DNAJC21: variants seen among roughly 807,000 people sequenced by gnomAD.
DNAJC21 encodes DnaJ heat shock protein family (Hsp40) member C21, also known as dnaJ homolog subfamily C member 21.
In DNAJC21, 63 loss-of-function variants were observed where a neutral mutation model predicts 72.4. That is an observed-to-expected ratio of 0.87 (90% CI 0.71 to 1.07). The LOEUF is 1.07. DNAJC21 is among the 50% of genes least tolerant of loss of function. The pLI is 0.00. For synonymous variants in DNAJC21, 203 were observed against 216.7 expected (o/e 0.94, Z 0.56); for missense variants, 634 against 644.8 (o/e 0.98, Z 0.18).
chr5:34,933,118 C>T (rs1330940841), intron 1 of DNAJC21, among the ~76,000 whole-genome samples: 1 of 152,044 alleles, frequency 6.6e-6, no homozygotes, highest in East Asian at 1.9e-4. Context: ...TTTTGATATA[C>T]ATTGATGAGA....
intron 9 of DNAJC21, among the ~76,000 whole-genome samples, chr5:34,947,260 A>G (rs555371667): frequency 6.6e-6 from 1 of 152,190 alleles, no homozygotes; most frequent in Non-Finnish European, 1.5e-5. Context: ...TAACTCAAAC[A>G]TAGTACTCTG....
chr5:34,946,399 C>T (rs1765175536), intron 9 of DNAJC21, among the ~76,000 whole-genome samples: 1 of 151,898 alleles, frequency 6.6e-6, no homozygotes, highest in South Asian at 2.1e-4. Flanking sequence ...TCCATTTTAC[C>T]AAGGACATTT....
rs1016745899 is a variant in DNAJC21 at position 34,941,872 on chromosome 5, G to GT, written c.983+698dup. On this transcript the variant is annotated intron_variant, in intron 7 of 11. Transcript: ENST00000648817. ...GTGAGCCACAGCGCCTGGCCCTTGT[G>GT]TTTTTTTTTGAGGTGAAGTGTAACA... 7.5e-4 allele frequency among the ~76,000 whole-genome samples: 112 copies of GT among 150,006 alleles called. 1 individual carries two copies. The highest frequency in any genetic ancestry group is 1.9e-3 in the African/African-American group (79 of 40,908).
At chr5:34,931,195 T>G (rs935780222) in intron 1 of DNAJC21, among the ~76,000 whole-genome samples, 2 of 152,044 alleles carry the variant, frequency 1.3e-5, no homozygotes, top group South Asian at 2.1e-4. Flanking sequence ...GAGTGAGAGA[T>G]AGAGGTGTGG....
chr5:34,954,211 A>G (rs1326332208), intron 11 of DNAJC21: 1 of 491,742 alleles, frequency 2.0e-6, no homozygotes, highest in Admixed American at 3.9e-5. Context: ...GTACCAGAAC[A>G]GTTACTGTTG....
intron 2 of DNAJC21, among the ~76,000 whole-genome samples, chr5:34,934,252 G>T (rs1156580390): frequency 1.3e-5 from 2 of 151,720 alleles, no homozygotes; most frequent in Non-Finnish European, 2.9e-5. Context: ...TTTTTGAGAC[G>T]CAGTTTTGCT....
chr5:34,958,755 C>G lies in DNAJC21; in HGVS notation c.*4041C>G, dbSNP rs1481817400. On this transcript the variant is annotated 3_prime_UTR_variant, in exon 12 of 12. Transcript: ENST00000648817. ...TTCTCAAAACTTTTGGTCTCAAGAT[C>G]CCTTTACACTCTTCAAAAGTGAGAA... The G allele has an allele frequency of 2.0e-5, 3 of 152,110 alleles. No individual in the cohort carries two copies. The highest frequency in any genetic ancestry group is 6.5e-5 in the Admixed American group (1 of 15,274). The allele number at this position is 152,110 out of a possible 1,614,324, so 9.4% of individuals were successfully genotyped here.
rs945598724 is a variant in DNAJC21 at position 34,950,711 on chromosome 5, A to G, written c.1358+369A>G. On this transcript the variant is annotated intron_variant, in intron 10 of 11. Coordinates refer to ENST00000648817, the MANE Select transcript of DNAJC21 (RefSeq NM_001012339.3). ...CTGGAGTGTCACTAAGCAAATCTCC[A>G]TGCTCACGACAGCAGCCTGTGTTGG... 6 of 993,490 alleles carry G rather than the reference A, an allele frequency of 6.0e-6. No homozygotes were observed. The African/African-American group carries it at 1.0e-4, about 17-fold the overall frequency. 61.5% of individuals were successfully genotyped at this position (993,490 alleles called of 1,614,324 possible).
intron 8 of DNAJC21, among the ~76,000 whole-genome samples, chr5:34,945,527 T>A (rs888545432): frequency 2.6e-5 from 4 of 152,224 alleles, no homozygotes; most frequent in Admixed American, 2.6e-4. Context: ...AAAAGCAGTT[T>A]TTATACCTGG....
At chr5:34,954,191 A>C (rs1765466760) in intron 11 of DNAJC21, 190 bp downstream of exon 11, 2 of 533,276 alleles carry the variant, frequency 3.8e-6, no homozygotes, top group African/African-American at 2.0e-5. Flanking sequence ...CACATTGGAA[A>C]TGCTAGACTG....
Position 34,954,559 on chromosome 5 carries a change from C to T in DNAJC21, c.1441C>T (p.Leu481Phe). ...GATTTTTTGCCCTTCTCAGAGTGTT[C>T]TTATCAGCTGTACAACCTGCCATAG... Reference protein sequence around the residue: ...VPAEPQTMSVLISCTTCHSEF... With the variant: ...VPAEPQTMSVFISCTTCHSEF... The change falls in exon 12 of 12, where the codon CTT (leucine) becomes TTT (phenylalanine). Residue 481 changes from leucine (L) to phenylalanine (F), a missense_variant. Coordinates refer to ENST00000648817, the MANE Select transcript of DNAJC21 (RefSeq NM_001012339.3). 3 of 1,608,386 alleles carry T rather than the reference C, an allele frequency of 1.9e-6. No homozygotes were observed. In the East Asian group the frequency reaches 6.7e-5, roughly 36 times the overall value.
chr5:34,950,129 T>G (rs749572792), intron 9 of DNAJC21, 41 bp from the exon 10 acceptor site: 37 of 1,553,362 alleles, frequency 2.4e-5, no homozygotes, highest in African/African-American at 6.9e-5. Flanking sequence ...AGTAGTAGTA[T>G]TATATTTATT....
At chr5:34,934,914 T>C (rs1240264172) in intron 2 of DNAJC21, among the ~76,000 whole-genome samples, 1 of 152,184 alleles carries the variant, frequency 6.6e-6, no homozygotes, top group Admixed American at 6.5e-5. Flanking sequence ...CTCAAGGAAT[T>C]TGGAGATCTG....
At chr5:34,952,400 A>T (rs193004134) in intron 10 of DNAJC21, 4 of 331,714 alleles carry the variant, frequency 1.2e-5, no homozygotes, top group African/African-American at 8.9e-5. Flanking sequence ...TGCATTTTTT[A>T]AATGCATAGG....
intron 2 of DNAJC21, 25 bp from the exon 3 acceptor site, chr5:34,935,685 A>G (rs1256849094): frequency 1.9e-6 from 3 of 1,613,536 alleles, no homozygotes; most frequent in South Asian, 2.2e-5. Context: ...CAGCCTTCAC[A>G]ATGATGCTAA....
chr5:34,953,123 C>T (rs975051043), intron 10 of DNAJC21, among the ~76,000 whole-genome samples: 1 of 151,998 alleles, frequency 6.6e-6, no homozygotes, highest in African/African-American at 2.4e-5. Context: ...GCACTCGAGC[C>T]TGGGTGACAG....
rs143845556 is a variant in DNAJC21 at position 34,934,039 on chromosome 5, A to T, written c.191+131A>T. ...GTTCTGAAACATCTGTCACCTAGTC[A>T]TCACATAAAATCTAACGTTTGGGTC... On this transcript the variant is annotated intron_variant, in intron 2 of 11. Transcript: ENST00000648817. The T allele has an allele frequency of 6.3e-4, 407 of 645,072 alleles. 1 individual carries two copies. In the African/African-American group the frequency reaches 6.4e-3, roughly 10 times the overall value. 40.0% of individuals were successfully genotyped at this position (645,072 alleles called of 1,614,324 possible).
intron 9 of DNAJC21, among the ~76,000 whole-genome samples, chr5:34,948,767 A>C (rs965164579): frequency 6.6e-6 from 1 of 152,088 alleles, no homozygotes; most frequent in Non-Finnish European, 1.5e-5. Flanking sequence ...CAGGAGCCTG[A>C]GGCAGGAGAA....
chr5:34,945,781 AAAAG>A lies in DNAJC21; in HGVS notation c.1167_1170del (p.Lys389AsnfsTer14), dbSNP rs764382519. The A allele has an allele frequency of 9.4e-6, 15 of 1,597,830 alleles. No individual in the cohort carries two copies. The highest frequency in any genetic ancestry group is 1.4e-5 in the African/African-American group (1 of 73,946). ...CTTAGGCTTTCTAAAAAACAGAAGA[AAAAG>A]AAACAGAAACCAGCACAGGTATGTT... On this transcript the variant is annotated frameshift_variant, in exon 9 of 12. Coordinates refer to ENST00000648817, the MANE Select transcript of DNAJC21 (RefSeq NM_001012339.3). LOFTEE classifies it high-confidence loss of function.
Sources: gnomAD v4.1 joint callset for allele counts (sites outside exome capture counted in the v4.1 genomes callset) on GRCh38, gnomAD v4.1.1 for gene constraint, MANE v1.5 for transcripts, NCBI Gene and HGNC (gene_info 2026-07-23, HGNC 2026-07-21) for gene names.